CSMD1: variants seen among roughly 807,000 people sequenced by gnomAD.
The protein encoded by CSMD1 is CUB and Sushi multiple domains 1, also known as CUB and sushi domain-containing protein 1.
A neutral mutation model predicts 417.5 loss-of-function variants in CSMD1; 213 were observed. The observed-to-expected ratio is 0.51, with a 90% CI of 0.46 to 0.57. CSMD1 has a LOEUF of 0.57. Among genes scored for constraint, CSMD1 ranks in the 20% least tolerant of loss-of-function variants. CSMD1 has a pLI of 0.00. For missense variants in CSMD1, 6,923 were observed against 4,529.7 expected (o/e 1.53, Z -15.17); for synonymous variants, 2,862 against 1,736.8 (o/e 1.65, Z -16.11).
At chr8:4,363,932 T>C (rs1023083780) in intron 3 of CSMD1, among the ~76,000 whole-genome samples, 1 of 151,830 alleles carries the variant, frequency 6.6e-6, no homozygotes, top group Non-Finnish European at 1.5e-5. Context: ...GAGATGAAAA[T>C]GGTTAACAAG....
intron 1 of CSMD1, among the ~76,000 whole-genome samples, chr8:4,725,210 T>A (rs1809347706): frequency 6.6e-6 from 1 of 152,128 alleles, no homozygotes; most frequent in South Asian, 2.1e-4. Context: ...AAGGTTAAAT[T>A]TAAGTCTTAT....
intron 3 of CSMD1, among the ~76,000 whole-genome samples, chr8:4,064,660 T>C (rs1442018093): frequency 6.6e-6 from 1 of 152,170 alleles, no homozygotes; most frequent in Non-Finnish European, 1.5e-5. Flanking sequence ...GCAGGTACAC[T>C]CTGTATTCTC....
intron 1 of CSMD1, among the ~76,000 whole-genome samples, chr8:4,853,521 A>C (rs1222382475): frequency 6.6e-6 from 1 of 152,254 alleles, no homozygotes. Flanking sequence ...CATAGATTTC[A>C]GAAGATGTAT....
At chr8:4,300,766 T>C (rs965600309) in intron 3 of CSMD1, among the ~76,000 whole-genome samples, 4 of 152,104 alleles carry the variant, frequency 2.6e-5, no homozygotes, top group Non-Finnish European at 5.9e-5. Context: ...TTCCTCCCTA[T>C]GGGTGAGAAC....
intron 26 of CSMD1, among the ~76,000 whole-genome samples, chr8:3,237,179 C>T (rs1396572735): frequency 6.6e-6 from 1 of 151,786 alleles, no homozygotes. Flanking sequence ...AGTCTCACAA[C>T]TTTGCAGGCC....
chr8:3,989,326 G>C (rs149825577), intron 5 of CSMD1, among the ~76,000 whole-genome samples: 12 of 152,302 alleles, frequency 7.9e-5, no homozygotes, highest in African/African-American at 2.9e-4. Flanking sequence ...ACCGAGGTCT[G>C]AATCAGTCAT....
chr8:4,378,048 A>T (rs1802867093), intron 3 of CSMD1, among the ~76,000 whole-genome samples: 1 of 152,222 alleles, frequency 6.6e-6, no homozygotes, highest in Admixed American at 6.5e-5. Flanking sequence ...GGTAAGTGTA[A>T]CACCCACTAC....
chr8:3,763,728 G>C (rs1321589394), intron 5 of CSMD1, among the ~76,000 whole-genome samples: 1 of 152,132 alleles, frequency 6.6e-6, no homozygotes. Flanking sequence ...CTGTACCTTT[G>C]TACAGAAACT....
chr8:4,721,857 T>C (rs1265454872), intron 1 of CSMD1, among the ~76,000 whole-genome samples: 2 of 152,142 alleles, frequency 1.3e-5, no homozygotes, highest in Non-Finnish European at 2.9e-5. Flanking sequence ...CAAAAGGAGA[T>C]ACTGTCATTT....
At chr8:3,211,325 A>G (rs1259495743) in intron 30 of CSMD1, among the ~76,000 whole-genome samples, 1 of 152,220 alleles carries the variant, frequency 6.6e-6, no homozygotes, top group Non-Finnish European at 1.5e-5. Flanking sequence ...GATTACAGGC[A>G]TGAGCAGCTT....
chr8:3,880,561 T>C (rs186281755), intron 5 of CSMD1, among the ~76,000 whole-genome samples: 23 of 152,316 alleles, frequency 1.5e-4, no homozygotes, highest in African/African-American at 4.6e-4. Flanking sequence ...AGTAGCATTG[T>C]GAATAGCCAG....
At chr8:4,761,086 A>T (rs999496032) in intron 1 of CSMD1, among the ~76,000 whole-genome samples, 1 of 152,134 alleles carries the variant, frequency 6.6e-6, no homozygotes, top group Non-Finnish European at 1.5e-5. Flanking sequence ...TGTGTTTGTT[A>T]ATCAGACTGC....
intron 42 of CSMD1, among the ~76,000 whole-genome samples, chr8:3,111,296 T>C (rs1342849141): frequency 6.6e-6 from 1 of 152,216 alleles, no homozygotes; most frequent in Non-Finnish European, 1.5e-5. Context: ...CACAGATGTG[T>C]ATTGATTTGA....
At chr8:3,530,192 T>G (rs1797919792) in intron 10 of CSMD1, among the ~76,000 whole-genome samples, 2 of 152,194 alleles carry the variant, frequency 1.3e-5, no homozygotes, top group Non-Finnish European at 2.9e-5. Flanking sequence ...ATTAATTCCT[T>G]CTTTCTGCAA....
At chr8:3,106,722 TA>T (rs1816174097) in intron 45 of CSMD1, 81 bp from the exon 46 acceptor site, 3 of 629,580 alleles carry the variant, frequency 4.8e-6, no homozygotes, top group Admixed American at 3.1e-5. Flanking sequence ...TAGGACTACT[TA>T]AATGAATTAA....
At chr8:4,054,079 T>A (rs192418883) in intron 3 of CSMD1, among the ~76,000 whole-genome samples, 1 of 152,156 alleles carries the variant, frequency 6.6e-6, no homozygotes, top group Non-Finnish European at 1.5e-5. Context: ...TCTCTCTCTG[T>A]CGCAGTTCAC....
intron 10 of CSMD1, among the ~76,000 whole-genome samples, chr8:3,534,743 G>C (rs1415236362): frequency 6.6e-6 from 1 of 152,124 alleles, no homozygotes; most frequent in Non-Finnish European, 1.5e-5. Flanking sequence ...TAAGCATCCA[G>C]GTTGAGCATA....
At chr8:4,913,413 G>C (rs1355348896) in intron 1 of CSMD1, among the ~76,000 whole-genome samples, 2 of 152,120 alleles carry the variant, frequency 1.3e-5, no homozygotes, top group African/African-American at 2.4e-5. Context: ...TCCTAGTAAA[G>C]TGCTTGGACA....
intron 15 of CSMD1, among the ~76,000 whole-genome samples, chr8:3,403,630 G>C (rs576555067): frequency 1.3e-5 from 2 of 152,164 alleles, no homozygotes; most frequent in South Asian, 4.1e-4. Flanking sequence ...AAGGACATAA[G>C]GCACAGCTTG....
Sources: allele counts gnomAD v4.1 joint callset (sites outside exome capture counted in the v4.1 genomes callset), GRCh38; gene constraint gnomAD v4.1.1; transcripts MANE v1.5; gene names NCBI Gene and HGNC (gene_info 2026-07-23, HGNC 2026-07-21).